Variants in SEMA5A observed in about 807,000 individuals in gnomAD.
The protein encoded by SEMA5A is semaphorin-5A.
In SEMA5A, 55 loss-of-function variants were observed where a neutral mutation model predicts 135.5. The ratio of observed to expected loss-of-function variants is 0.41; its 90% CI spans 0.33 to 0.51. SEMA5A has a LOEUF of 0.51. Among genes scored for constraint, SEMA5A ranks in the 20% least tolerant of loss-of-function variants. The pLI, the probability that SEMA5A is intolerant of heterozygous loss-of-function variation, is 0.37. For synonymous variants in SEMA5A, 580 were observed against 546.5 expected (o/e 1.06, Z -0.85); for missense variants, 1,290 against 1,419.9 (o/e 0.91, Z 1.47).
At chr5:9,456,968 C>T (rs1473524977) in intron 1 of SEMA5A, among the ~76,000 whole-genome samples, 1 of 152,174 alleles carries the variant, frequency 6.6e-6, no homozygotes, top group Non-Finnish European at 1.5e-5. Flanking sequence ...AATACTTTCT[C>T]CATCATGAAC....
At chr5:9,367,740 G>C (rs1754977092) in intron 3 of SEMA5A, among the ~76,000 whole-genome samples, 1 of 152,168 alleles carries the variant, frequency 6.6e-6, no homozygotes. Context: ...TCTCATGTTG[G>C]CATGTGGTCC....
At chr5:9,346,505 C>A (rs1753875305) in intron 3 of SEMA5A, among the ~76,000 whole-genome samples, 1 of 152,166 alleles carries the variant, frequency 6.6e-6, no homozygotes, top group Non-Finnish European at 1.5e-5. Flanking sequence ...GTAATATGCC[C>A]TCTGGGGTTT....
chr5:9,247,798 G>T (rs1015944210), intron 5 of SEMA5A, among the ~76,000 whole-genome samples: 3 of 152,082 alleles, frequency 2.0e-5, no homozygotes, highest in African/African-American at 7.2e-5. Context: ...TTGTTTTCTA[G>T]TGTAAGTTTG....
At chr5:9,465,208 C>T (rs1286185216) in intron 1 of SEMA5A, among the ~76,000 whole-genome samples, 1 of 152,196 alleles carries the variant, frequency 6.6e-6, no homozygotes, top group African/African-American at 2.4e-5. Flanking sequence ...ACCAGATGAT[C>T]CCTGTGAAAC....
chr5:9,343,418 T>C (rs1449291556), intron 3 of SEMA5A, among the ~76,000 whole-genome samples: 1 of 151,998 alleles, frequency 6.6e-6, no homozygotes, highest in Non-Finnish European at 1.5e-5. Context: ...ATGAAAGAGC[T>C]GTGTCTTCAC....
chr5:9,500,488 A>G (rs76291954), intron 1 of SEMA5A, among the ~76,000 whole-genome samples: 1 of 152,252 alleles, frequency 6.6e-6, no homozygotes, highest in East Asian at 1.9e-4. Flanking sequence ...AGTACCAGCA[A>G]GACACTCATT....
At chr5:9,194,752 C>T (rs568955064) in intron 10 of SEMA5A, among the ~76,000 whole-genome samples, 15 of 152,318 alleles carry the variant, frequency 9.8e-5, no homozygotes, top group South Asian at 4.1e-4. Flanking sequence ...CTGCCTGAAA[C>T]GCATGCCAAT....
In SEMA5A at chr5:9,181,828, C is replaced by T. The variant is rs112706317; in HGVS notation, c.1273+8439G>A. Among the ~76,000 whole-genome samples the T allele has an allele frequency of 1.1e-3, 163 of 152,218 alleles. 1 individual carries two copies. The highest frequency in any genetic ancestry group is 1.6e-3 in the Non-Finnish European group (112 of 68,020). ...ACAGGTAAAGTACCCTTGCCAACCCCGCATGGTACTCGATTCAATCTGCTG... is the reference window on the plus strand; with the variant it reads ...ACAGGTAAAGTACCCTTGCCAACCCTGCATGGTACTCGATTCAATCTGCTG... On this transcript the variant is annotated intron_variant, in intron 11 of 22. Coordinates refer to ENST00000382496, the MANE Select transcript of SEMA5A (RefSeq NM_003966.3).
chr5:9,171,639 C>T (rs990093788), intron 11 of SEMA5A, among the ~76,000 whole-genome samples: 1 of 152,114 alleles, frequency 6.6e-6, no homozygotes, highest in South Asian at 2.1e-4. Flanking sequence ...CAGGCCAGTT[C>T]TTATTGGGCA....
chr5:9,351,748 G>A (rs1245987481), intron 3 of SEMA5A, among the ~76,000 whole-genome samples: 1 of 152,164 alleles, frequency 6.6e-6, no homozygotes, highest in Admixed American at 6.5e-5. Context: ...CCACACAGAT[G>A]AAGACATATT....
At chr5:9,126,753 C>T (rs1001888777) in intron 13 of SEMA5A, among the ~76,000 whole-genome samples, 2 of 152,128 alleles carry the variant, frequency 1.3e-5, no homozygotes, top group African/African-American at 4.8e-5. Flanking sequence ...GAGTCAGTTC[C>T]TGAGAGGGGG....
intron 4 of SEMA5A, among the ~76,000 whole-genome samples, chr5:9,330,752 T>G (rs560133293): frequency 4.2e-4 from 64 of 152,130 alleles, no homozygotes; most frequent in Non-Finnish European, 7.8e-4. Context: ...AAGAGAGAGA[T>G]AAGCCCAGAG....
At chr5:9,517,390 A>G (rs1736589168) in intron 1 of SEMA5A, 1 of 152,228 alleles carries the variant, frequency 6.6e-6, no homozygotes, top group Admixed American at 6.5e-5. Context: ...GTGGGGTCCC[A>G]GGACCTGTGG....
rs540588416 is a variant in SEMA5A, at chr5:9,501,278, G to A, written c.-175+44306C>T. 1.3e-3 allele frequency among the ~76,000 whole-genome samples: 198 copies of A among 152,292 alleles called. 2 individuals carry two copies. The highest frequency in any genetic ancestry group is 2.2e-3 in the Non-Finnish European group (152 of 68,030). ...TATAACACAGAAAACTAAAGTCTAT[G>A]CTTACTTGCATTCTTAAAATGTAGA... On this transcript the variant is annotated intron_variant, in intron 1 of 22. Coordinates refer to ENST00000382496, the MANE Select transcript of SEMA5A (RefSeq NM_003966.3).
intron 2 of SEMA5A, among the ~76,000 whole-genome samples, chr5:9,411,436 G>A (rs190745117): frequency 6.6e-6 from 1 of 152,184 alleles, no homozygotes; most frequent in Non-Finnish European, 1.5e-5. Context: ...AAAGTGTGTT[G>A]TTAGTTGCGC....
In SEMA5A at chr5:9,068,453, C is replaced by T. The variant is rs985084903; in HGVS notation, c.2074-1807G>A. Among the ~76,000 whole-genome samples the T allele has an allele frequency of 2.6e-5, 4 of 152,108 alleles. No individual in the cohort carries two copies. In the East Asian group the frequency reaches 7.7e-4, roughly 29 times the overall value. On this transcript the variant is annotated intron_variant, in intron 16 of 22. Transcript: ENST00000382496. ...CTGGGAGCTGAGTGGAGGAAGAGGG[C>T]AGAACTCTCAGTGTCCAGTAGACAC...
At chr5:9,532,759 C>A (rs1737526869) in intron 1 of SEMA5A, among the ~76,000 whole-genome samples, 1 of 152,176 alleles carries the variant, frequency 6.6e-6, no homozygotes, top group Admixed American at 6.5e-5. Flanking sequence ...ATAAAGGTTG[C>A]CATGATAGCC....
intron 1 of SEMA5A, among the ~76,000 whole-genome samples, chr5:9,503,441 C>T (rs1310471642): frequency 2.6e-5 from 4 of 152,176 alleles, no homozygotes; most frequent in African/African-American, 9.7e-5. Context: ...CCATGAAAAG[C>T]TCCCAGTGAG....
intron 6 of SEMA5A, among the ~76,000 whole-genome samples, chr5:9,231,209 G>A (rs1246878176): frequency 6.6e-6 from 1 of 152,102 alleles, no homozygotes; most frequent in Non-Finnish European, 1.5e-5. Context: ...TTCCATGCCT[G>A]TAATCCCAGC....
Sources: gnomAD v4.1 joint callset for allele counts (sites outside exome capture counted in the v4.1 genomes callset) on GRCh38, gnomAD v4.1.1 for gene constraint, MANE v1.5 for transcripts, NCBI Gene and HGNC (gene_info 2026-07-23, HGNC 2026-07-21) for gene names.